RGS6: variants seen among roughly 807,000 people sequenced by gnomAD.
RGS6 encodes regulator of G-protein signaling 6.
In RGS6, 30 loss-of-function variants were observed where a neutral mutation model predicts 78.5. The observed-to-expected ratio is 0.38, with a 90% confidence interval of 0.29 to 0.52. The LOEUF is 0.52. Ranked by LOEUF, RGS6 falls within the 20% of genes least tolerant of loss-of-function variation. RGS6 has a pLI of 0.85. For missense variants in RGS6, 495 were observed against 609.7 expected (o/e 0.81, Z 1.98); for synonymous variants, 206 against 206.0 (o/e 1.00, Z 0.00).
At chr14:72,554,859 C>T (rs758185545) in intron 17 of RGS6, among the ~76,000 whole-genome samples, 1 of 152,220 alleles carries the variant, frequency 6.6e-6, no homozygotes, top group Non-Finnish European at 1.5e-5. Context: ...CTGGACCTGG[C>T]ATTCTGCCAC....
At chr14:71,985,322 C>T (rs903549162) in intron 2 of RGS6, among the ~76,000 whole-genome samples, 11 of 152,164 alleles carry the variant, frequency 7.2e-5, no homozygotes, top group African/African-American at 2.7e-4. Flanking sequence ...CGGGGTCTCA[C>T]TATGTTGGCC....
chr14:72,202,864 T>TTTTTG (rs1048077783), intron 2 of RGS6, among the ~76,000 whole-genome samples: 19 of 151,832 alleles, frequency 1.3e-4, no homozygotes, highest in African/African-American at 3.9e-4. Flanking sequence ...TGGATCCTGT[T>TTTTTG]TTTTGTTTTG....
At chr14:71,978,590 G>A (rs1361657631) in intron 2 of RGS6, among the ~76,000 whole-genome samples, 1 of 114,938 alleles carries the variant, frequency 8.7e-6, no homozygotes, top group Non-Finnish European at 1.8e-5. Flanking sequence ...TATTGAACCA[G>A]CCTTGCATCC....
intron 2 of RGS6, among the ~76,000 whole-genome samples, chr14:72,246,381 G>A (rs1285617057): frequency 6.6e-6 from 1 of 152,154 alleles, no homozygotes; most frequent in Non-Finnish European, 1.5e-5. Context: ...ACTTTTGTGT[G>A]CAGATCTTTC....
intron 2 of RGS6, among the ~76,000 whole-genome samples, chr14:72,050,899 C>A (rs191039319): frequency 1.3e-5 from 2 of 152,230 alleles, no homozygotes; most frequent in Non-Finnish European, 2.9e-5. Flanking sequence ...AACCAATCCC[C>A]CAAGTGAGTA....
At chr14:72,628,451 A>G in the RGS6 span, among the ~76,000 whole-genome samples, 3 of 152,182 alleles carry the variant, frequency 2.0e-5, no homozygotes, top group Non-Finnish European at 4.4e-5. Context: ...ATCTTCCTGG[A>G]ATTACTCCAG....
At chr14:72,407,412 C>T (rs891118369) in intron 3 of RGS6, among the ~76,000 whole-genome samples, 18 of 152,302 alleles carry the variant, frequency 1.2e-4, no homozygotes, top group Non-Finnish European at 2.5e-4. Context: ...TAATGTCTTT[C>T]TAATGAGTGC....
chr14:72,004,609 G>A (rs2084149766), intron 2 of RGS6, among the ~76,000 whole-genome samples: 1 of 152,130 alleles, frequency 6.6e-6, no homozygotes, highest in Middle Eastern at 3.2e-3. Context: ...CAAGGTGGGT[G>A]GATTTCTTGA....
intron 17 of RGS6, among the ~76,000 whole-genome samples, chr14:72,551,559 A>G (rs2097507187): frequency 6.6e-6 from 1 of 152,194 alleles, no homozygotes. Flanking sequence ...TGCTCGTGTG[A>G]CCCCTTGAGA....
chr14:72,464,921 C>A (rs1352662687), intron 6 of RGS6, among the ~76,000 whole-genome samples: 1 of 152,204 alleles, frequency 6.6e-6, no homozygotes, highest in African/African-American at 2.4e-5. Flanking sequence ...CTTAAAGAGA[C>A]TTCAGCCTAG....
intron 2 of RGS6, among the ~76,000 whole-genome samples, chr14:72,284,267 G>C (rs2062090733): frequency 6.6e-6 from 1 of 152,178 alleles, no homozygotes; most frequent in South Asian, 2.1e-4. Flanking sequence ...GGAACCAAAT[G>C]TTAATCACCA....
chr14:72,016,412 C>T (rs6574038), intron 2 of RGS6, among the ~76,000 whole-genome samples: 1 of 151,934 alleles, frequency 6.6e-6, no homozygotes, highest in East Asian at 1.9e-4. Flanking sequence ...GTTCCCCAGG[C>T]TGGAGTGCAG....
At chr14:72,537,484 C>A (rs755146328) in intron 16 of RGS6, 1 of 702,350 alleles carries the variant, frequency 1.4e-6, no homozygotes, top group South Asian at 1.5e-5. Context: ...CAGTTGTCAG[C>A]AGCTCTCTGG....
chr14:72,614,509 G>T, the RGS6 span, among the ~76,000 whole-genome samples: 1 of 152,170 alleles, frequency 6.6e-6, no homozygotes, highest in East Asian at 1.9e-4. Flanking sequence ...GGGGACAGGG[G>T]CCTGGGGGCC....
At chr14:71,995,976 C>T (rs2095184562) in intron 2 of RGS6, among the ~76,000 whole-genome samples, 1 of 152,062 alleles carries the variant, frequency 6.6e-6, no homozygotes, top group Admixed American at 6.5e-5. Flanking sequence ...TGTTTCGGTT[C>T]CAGTGACCAA....
chr14:71,936,041 T>TATATATATATACAC (rs1555390355), intron 1 of RGS6, among the ~76,000 whole-genome samples: 3 of 127,710 alleles, frequency 2.3e-5, no homozygotes, highest in African/African-American at 8.3e-5. Context: ...TATATATATA[T>TATATATATATACAC]GTACATATAT....
chr14:72,053,871 C>G (rs1003843392), intron 2 of RGS6, among the ~76,000 whole-genome samples: 1 of 152,166 alleles, frequency 6.6e-6, no homozygotes, highest in Admixed American at 6.5e-5. Flanking sequence ...TGACCTTACA[C>G]TTATGTATTC....
intron 3 of RGS6, among the ~76,000 whole-genome samples, chr14:72,433,000 G>T (rs533639548): frequency 5.9e-5 from 9 of 152,300 alleles, no homozygotes; most frequent in African/African-American, 1.9e-4. Flanking sequence ...TCCGTCTGGG[G>T]AGTGGAACTC....
At chr14:72,021,889 C>G (rs1445939390) in intron 2 of RGS6, among the ~76,000 whole-genome samples, 1 of 151,962 alleles carries the variant, frequency 6.6e-6, no homozygotes. Context: ...TGTATTAAGC[C>G]TAGTACCCAA....
Sources: allele counts gnomAD v4.1 joint callset (sites outside exome capture counted in the v4.1 genomes callset), GRCh38; gene constraint gnomAD v4.1.1; transcripts MANE v1.5; gene names NCBI Gene and HGNC (gene_info 2026-07-23, HGNC 2026-07-21).